The following ANKS3 variants were observed in gnomAD, a reference collection of about 807,000 sequenced individuals.
The protein encoded by ANKS3 is ankyrin repeat and sterile alpha motif domain containing 3.
In ANKS3, 62 loss-of-function variants were observed where a neutral mutation model predicts 80.7. The observed-to-expected ratio is 0.77, with a 90% CI of 0.63 to 0.95. The LOEUF is 0.95. ANKS3 is among the 40% of genes least tolerant of loss of function. ANKS3 has a pLI of 0.00. For missense variants in ANKS3, 1,150 were observed against 883.6 expected (o/e 1.30, Z -3.82); for synonymous variants, 489 against 355.3 (o/e 1.38, Z -4.23).
At position 4,704,653 on chromosome 16, in the gene ANKS3, C is replaced by T. The variant is rs116186308; in HGVS notation, c.868+442G>A. On this transcript the variant is annotated intron_variant, in intron 8 of 17. Coordinates refer to ENST00000304283, the MANE Select transcript of ANKS3 (RefSeq NM_133450.4). The stretch of plus-strand genomic sequence containing the variant: ...CAGGAGGGTCTGAGTACAACTTCAT[C>T]GCCCTGAGAAAACAGCAGGGCCTGT... 8.3e-3 allele frequency among the ~76,000 whole-genome samples: 1,267 copies of T among 152,302 alleles called. 16 individuals carry two copies. The highest frequency in any genetic ancestry group is 0.029 in the African/African-American group (1,198 of 41,564).
chr16:4,712,365 G>GC (rs1185151916), intron 7 of ANKS3, among the ~76,000 whole-genome samples: 1 of 151,930 alleles, frequency 6.6e-6, no homozygotes, highest in Non-Finnish European at 1.5e-5. Flanking sequence ...GGGCAACAGA[G>GC]CAAGACTCCA....
rs1007132273 is a variant in ANKS3, at chr16:4,696,630, G to T, written c.*278C>A. On this transcript the variant is annotated 3_prime_UTR_variant, in exon 18 of 18. Coordinates refer to ENST00000304283, the MANE Select transcript of ANKS3 (RefSeq NM_133450.4). Reference sequence around the variant, plus strand: ...GTATATGGATACACTTTCCCCCCAGGGCCCTGCCTGGTATGGGCCAGGGCA... The same window carrying T: ...GTATATGGATACACTTTCCCCCCAGTGCCCTGCCTGGTATGGGCCAGGGCA... 2.0e-5 allele frequency: 5 copies of T among 252,386 alleles called. No homozygotes were observed. Among genetic ancestry groups the T allele is most frequent in the Non-Finnish European group, 3.1e-5 (4 of 130,198 alleles). 15.6% of individuals were successfully genotyped at this position (252,386 alleles called of 1,614,324 possible). A position where few individuals can be genotyped will look rare whatever the true frequency, so the allele number is the denominator to read the frequency against.
At chr16:4,703,513 C>T (rs192623157) in intron 8 of ANKS3, among the ~76,000 whole-genome samples, 119 of 151,808 alleles carry the variant, frequency 7.8e-4, no homozygotes, top group Admixed American at 2.4e-3. Flanking sequence ...CTCCGCCTCC[C>T]GGGTTCAACC....
chr16:4,697,530 C>T (rs761221857), intron 15 of ANKS3, 114 bp from the exon 16 acceptor site: 50 of 853,528 alleles, frequency 5.9e-5, no homozygotes, highest in Non-Finnish European at 7.3e-5. Context: ...CCTCCCTACC[C>T]GCCTGACAGT....
At chr16:4,725,119 CTCAA>C (rs550904964) in intron 5 of ANKS3, 277 of 288,888 alleles carry the variant, frequency 9.6e-4, no homozygotes, top group Admixed American at 1.5e-3. Flanking sequence ...AAATCTCCAC[CTCAA>C]TCATATTCAA....
Position 4,701,520 on chromosome 16 carries a change from G to C in ANKS3, c.1033C>G (p.Leu345Val). ...CTGCTGCTGCTCTGGACGGGCCCCAGGTTGGCACAGAAAGCATGTTCCTCT... is the reference window on the plus strand; with the variant it reads ...CTGCTGCTGCTCTGGACGGGCCCCACGTTGGCACAGAAAGCATGTTCCTCT... ...SREEHAFCAN[L>V]GPVQSSSSSE... Residue 345 changes from leucine (L) to valine (V), a missense_variant, in exon 10 of 18, where the codon CTG (leucine) becomes GTG (valine). Transcript: ENST00000304283. 1 of 1,611,368 alleles carries C rather than the reference G, an allele frequency of 6.2e-7. No individual in the cohort carries two copies. The highest frequency in any genetic ancestry group is 1.1e-5 in the South Asian group (1 of 90,986).
rs2079874064 is a variant in ANKS3 at position 4,701,086 on chromosome 16, A to T, written c.1168T>A (p.Tyr390Asn). 1.9e-6 allele frequency: 3 copies of T among 1,613,906 alleles called. No homozygotes were observed. The highest frequency in any genetic ancestry group is 2.5e-6 in the Non-Finnish European group (3 of 1,180,018). Reference protein sequence around the residue: ...KSSARKQAKSYMKTKNPDSQW... With the variant: ...KSSARKQAKSNMKTKNPDSQW... ...CTGTCAGGATTCTTGGTCTTCATGT[A>T]ACTTTTAGCTTGTTTGCGAGCTGAG... Residue 390 changes from tyrosine to asparagine, a missense_variant, in exon 11 of 18, where the codon TAC (tyrosine) becomes AAC (asparagine). By Grantham distance (143) the Tyr-to-Asn change is moderately radical. Coordinates refer to ENST00000304283, the MANE Select transcript of ANKS3 (RefSeq NM_133450.4).
At position 4,699,138 on chromosome 16, in the gene ANKS3, C is replaced by T. The variant is rs1287640859; in HGVS notation, c.1323G>A (p.Lys441=). Residue 441 remains lysine (K), a synonymous_variant, in exon 12 of 18, where the codon AAG becomes AAA. Coordinates refer to ENST00000304283, the MANE Select transcript of ANKS3 (RefSeq NM_133450.4). ...AALLEQIGCL[K]YLQVFEEQDV... ...CCTGCTCCTCAAACACCTGCAGGTA[C>T]TTCAGACACCCGATCTGCTCCAGCA... 1.9e-6 allele frequency: 3 copies of T among 1,614,020 alleles called. No homozygotes were observed. The highest frequency in any genetic ancestry group is 2.2e-5 in the East Asian group (1 of 44,900).
Position 4,699,165 on chromosome 16 carries a change from T to C in ANKS3, c.1296A>G (p.Ala432=). 3 of 1,613,932 alleles carry C rather than the reference T, an allele frequency of 1.9e-6. No individual in the cohort carries two copies. Among genetic ancestry groups the C allele is most frequent in the Non-Finnish European group, 2.5e-6 (3 of 1,179,984 alleles). Residue 432 remains alanine (A), a synonymous_variant, in exon 12 of 18, where the codon GCA becomes GCG. Transcript: ENST00000304283. The part of the protein sequence containing the change: ...APYSGPQDLA[A]LLEQIGCLKY... Reference sequence around the variant, plus strand: ...TCAGACACCCGATCTGCTCCAGCAGTGCGGCAAGGTCCTGGCAGGCACAGG... The same window carrying C: ...TCAGACACCCGATCTGCTCCAGCAGCGCGGCAAGGTCCTGGCAGGCACAGG...
At chr16:4,699,221 C>T (rs756180751) in intron 11 of ANKS3, 45 bp from the exon 12 acceptor site, 23 of 1,604,326 alleles carry the variant, frequency 1.4e-5, no homozygotes, top group South Asian at 2.2e-5. Flanking sequence ...TGGCTGACGA[C>T]GAAGCAGAGA....
chr16:4,725,393 GT>G (rs1254674514), intron 5 of ANKS3, among the ~76,000 whole-genome samples: 1 of 152,144 alleles, frequency 6.6e-6, no homozygotes, highest in Non-Finnish European at 1.5e-5. Context: ...GGAAATGCTG[GT>G]TTTCATCCAT....
In ANKS3 at chr16:4,729,908, C is replaced by A. The variant is rs868714380; in HGVS notation, c.170+72G>T. On this transcript the variant is annotated intron_variant, in intron 3 of 17. Transcript: ENST00000304283. ...TAAACATCCACAACTGTGTGCAAAGCCCCATCACGTGGGATCGAAGCCATC... is the reference window on the plus strand; with the variant it reads ...TAAACATCCACAACTGTGTGCAAAGACCCATCACGTGGGATCGAAGCCATC... The A allele has an allele frequency of 1.9e-4, 258 of 1,344,908 alleles. 1 individual carries two copies. Among genetic ancestry groups the A allele is most frequent in the Middle Eastern group, 1.4e-3 (7 of 4,918 alleles). 83.3% of individuals were successfully genotyped at this position (1,344,908 alleles called of 1,614,324 possible).
At chr16:4,722,034 G>T (rs1016852722) in intron 6 of ANKS3, among the ~76,000 whole-genome samples, 1 of 151,428 alleles carries the variant, frequency 6.6e-6, no homozygotes, top group South Asian at 2.1e-4. Context: ...CCATGAGCAT[G>T]TGTGGGTGTA....
chr16:4,714,435 C>A, intron 6 of ANKS3: 1 of 546,698 alleles, frequency 1.8e-6, no homozygotes, highest in East Asian at 3.3e-5. Context: ...ACGCTCATGA[C>A]CTCCCTTGCA....
At position 4,701,480 on chromosome 16, in the gene ANKS3, G is replaced by C. The variant is rs1179997439; in HGVS notation, c.1073C>G (p.Ala358Gly). 6.2e-7 allele frequency: 1 copy of C among 1,611,724 alleles called. No individual in the cohort carries two copies. The highest frequency in any genetic ancestry group is 8.5e-7 in the Non-Finnish European group (1 of 1,178,796). The change falls in exon 10 of 18, where the codon GCC (alanine) becomes GGC (glycine). Residue 358 changes from alanine (A) to glycine (G), a missense_variant. Physicochemically the swap from Ala to Gly is moderately conservative, Grantham distance 60. Transcript: ENST00000304283. ...TTCGCTGCTGAGCCCCTGGGCTCTG[G>C]CCAGGCCCTCGCTGCTGCTGCTGCT... ...VQSSSSSEGL[A>G]RAQGLSSEAS...
chr16:4,701,184 C>G (rs2079879846), intron 10 of ANKS3, 50 bp from the exon 11 acceptor site: 2 of 1,607,508 alleles, frequency 1.2e-6, no homozygotes, highest in Non-Finnish European at 1.7e-6. Flanking sequence ...AACTTGAGAG[C>G]CTTGGTGAAA....
intron 6 of ANKS3, among the ~76,000 whole-genome samples, chr16:4,722,826 A>C (rs2081171275): frequency 6.6e-6 from 1 of 150,560 alleles, no homozygotes; most frequent in South Asian, 2.1e-4. Flanking sequence ...GCTGAGGCAG[A>C]AGAACTGCTT....
At position 4,729,030 on chromosome 16, in the gene ANKS3, C is replaced by G. The variant is rs984677853; in HGVS notation, c.170+950G>C. 1.3e-5 allele frequency among the ~76,000 whole-genome samples: 2 copies of G among 152,174 alleles called. 1 individual carries two copies. Among genetic ancestry groups the G allele is most frequent in the South Asian group, 4.1e-4 (2 of 4,832 alleles). ...GAGAGGAAGAGAGGTCGCTGCACCACAATATCAAATGAGAACCAGGAGACA... is the reference window on the plus strand; with the variant it reads ...GAGAGGAAGAGAGGTCGCTGCACCAGAATATCAAATGAGAACCAGGAGACA... On this transcript the variant is annotated intron_variant, in intron 3 of 17. Transcript: ENST00000304283.
chr16:4,722,912 CA>C (rs2081176913), intron 6 of ANKS3, among the ~76,000 whole-genome samples: 1 of 147,834 alleles, frequency 6.8e-6, no homozygotes, highest in Non-Finnish European at 1.5e-5. Flanking sequence ...GGCGACACAG[CA>C]CAAGACTTCT....
Sources: gnomAD v4.1 joint callset for allele counts (sites outside exome capture counted in the v4.1 genomes callset) on GRCh38, gnomAD v4.1.1 for gene constraint, MANE v1.5 for transcripts, NCBI Gene and HGNC (gene_info 2026-07-23, HGNC 2026-07-21) for gene names.